Variants in MYOF observed in about 807,000 individuals in gnomAD.
The protein encoded by MYOF is myoferlin.
A neutral mutation model predicts 284.2 loss-of-function variants in MYOF; 244 were observed. The observed-to-expected ratio is 0.86, with a 90% CI of 0.77 to 0.95. The LOEUF is 0.95. MYOF is among the 40% of genes least tolerant of loss of function. MYOF has a pLI of 0.00. For synonymous variants in MYOF, 904 were observed against 919.7 expected (o/e 0.98, Z 0.31); for missense variants, 2,496 against 2,560.6 (o/e 0.97, Z 0.54).
chr10:93,328,716 G>A (rs1212203895), intron 45 of MYOF, 47 bp downstream of exon 45: 1 of 1,569,648 alleles, frequency 6.4e-7, no homozygotes, highest in East Asian at 2.3e-5. Flanking sequence ...AATATATATG[G>A]GTTACTATAC....
chr10:93,339,939 C>A (rs1036654969), intron 39 of MYOF, among the ~76,000 whole-genome samples: 8 of 152,124 alleles, frequency 5.3e-5, no homozygotes, highest in African/African-American at 1.9e-4. Flanking sequence ...ATTAGCCGGG[C>A]GAGGTGGTGG....
At chr10:93,313,845 G>A in intron 50 of MYOF, among the ~76,000 whole-genome samples, 1 of 152,128 alleles carries the variant, frequency 6.6e-6, no homozygotes, top group Non-Finnish European at 1.5e-5. Flanking sequence ...AGGTTGCAGT[G>A]AGCAGAGATC....
At chr10:93,319,755 G>A in intron 49 of MYOF, 117 bp downstream of exon 49, 1 of 1,400,432 alleles carries the variant, frequency 7.1e-7, no homozygotes, top group South Asian at 1.3e-5. Context: ...CATCTCTGCT[G>A]AGAAGGAGCC....
intron 1 of MYOF, among the ~76,000 whole-genome samples, chr10:93,479,454 C>T (rs1420471464): frequency 1.3e-5 from 2 of 152,166 alleles, no homozygotes; most frequent in Admixed American, 6.5e-5. Flanking sequence ...ATTGGGAACA[C>T]ACCTGTAAAG....
rs1353822567 is a variant in MYOF, at chr10:93,402,253, C to G, written c.969G>C (p.Leu323=). 1 of 1,614,046 alleles carries G rather than the reference C, an allele frequency of 6.2e-7. No individual in the cohort carries two copies. ...TCACAGGAGGCTCATCTCCGGTTCCCAGGACAAACATGCTGACTTTCATAT... is the reference window on the plus strand; with the variant it reads ...TCACAGGAGGCTCATCTCCGGTTCCGAGGACAAACATGCTGACTTTCATAT... ...KGYMKVSMFV[L]GTGDEPPPER... Residue 323 remains leucine (L), a synonymous_variant, in exon 11 of 54, where the codon CTG becomes CTC. Transcript: ENST00000359263.
Position 93,472,206 on chromosome 10 carries a change from C to T in MYOF, c.88+9901G>A, listed in dbSNP as rs1167163966. On this transcript the variant is annotated intron_variant, in intron 1 of 53. Transcript: ENST00000359263. The stretch of plus-strand genomic sequence containing the variant: ...GCTGAAAATCCAAGTCAGAGAGTTG[C>T]TAAGAACCTACTATGCCCACACCCA... Among the ~76,000 whole-genome samples the T allele has an allele frequency of 1.9e-4, 29 of 152,144 alleles. 1 individual carries two copies. Among genetic ancestry groups the T allele is most frequent in the Admixed American group, 1.9e-3 (29 of 15,268 alleles).
chr10:93,446,024 T>C (rs1308268499), intron 3 of MYOF, among the ~76,000 whole-genome samples: 5 of 152,066 alleles, frequency 3.3e-5, no homozygotes, highest in Admixed American at 6.5e-5. Context: ...AAAAAAAGTT[T>C]GTTTCTGAAA....
intron 1 of MYOF, among the ~76,000 whole-genome samples, chr10:93,464,011 T>A (rs2056946995): frequency 6.6e-6 from 1 of 151,596 alleles, no homozygotes; most frequent in Non-Finnish European, 1.5e-5. Context: ...TGGTCAAACA[T>A]AAGTCCAGAT....
chr10:93,433,496 C>A (rs187502464), intron 3 of MYOF, among the ~76,000 whole-genome samples: 1 of 152,342 alleles, frequency 6.6e-6, no homozygotes, highest in African/African-American at 2.4e-5. Context: ...TACTTATATC[C>A]TGTCTACATC....
intron 3 of MYOF, among the ~76,000 whole-genome samples, chr10:93,445,621 C>G (rs1173860063): frequency 6.6e-6 from 1 of 152,202 alleles, no homozygotes; most frequent in Non-Finnish European, 1.5e-5. Context: ...CTCCCAGTGC[C>G]TGAGGGGTGG....
chr10:93,463,525 G>A (rs2134355451), intron 1 of MYOF, among the ~76,000 whole-genome samples: 1 of 149,256 alleles, frequency 6.7e-6, no homozygotes, highest in Non-Finnish European at 1.5e-5. Context: ...TCAGCCTGCC[G>A]AGTAGCTGAG....
chr10:93,400,810 C>G (rs1485224314), intron 12 of MYOF, among the ~76,000 whole-genome samples: 1 of 151,064 alleles, frequency 6.6e-6, no homozygotes, highest in African/African-American at 2.4e-5. Context: ...ACAATAGTGG[C>G]AGACTTCTAG....
intron 52 of MYOF, 144 bp from the exon 53 acceptor site, chr10:93,310,311 C>T (rs1386050546): frequency 3.5e-6 from 4 of 1,151,302 alleles, no homozygotes; most frequent in East Asian, 4.9e-5. Context: ...CTGAGAAAGG[C>T]TCTTTAACCT....
At position 93,396,240 on chromosome 10, in the gene MYOF, A is replaced by T. The variant is rs1212328103; in HGVS notation, c.1335-16T>A. ...AAGACGGTCCCTGTGTAAAAAATAA[A>T]AATAAAAAAATAAAAAATAAAAGGT... On this transcript the variant is annotated splice_polypyrimidine_tract_variant and intron_variant, in intron 15 of 53. Coordinates refer to ENST00000359263, the MANE Select transcript of MYOF (RefSeq NM_013451.4). 4.0e-6 allele frequency: 6 copies of T among 1,508,576 alleles called. No homozygotes were observed. The highest frequency in any genetic ancestry group is 4.5e-6 in the Non-Finnish European group (5 of 1,109,762). 93.4% of individuals were successfully genotyped at this position (1,508,576 alleles called of 1,614,324 possible).
intron 4 of MYOF, among the ~76,000 whole-genome samples, chr10:93,429,938 A>ATTT (rs1411509583): frequency 4.1e-5 from 6 of 144,914 alleles, no homozygotes; most frequent in Non-Finnish European, 9.3e-5. Flanking sequence ...TTATTTTTTT[A>ATTT]ATTTTTTTTT....
At chr10:93,469,967 G>A (rs183887974) in intron 1 of MYOF, among the ~76,000 whole-genome samples, 51 of 152,186 alleles carry the variant, frequency 3.4e-4, no homozygotes, top group African/African-American at 1.2e-3. Flanking sequence ...AGTGGCTCAC[G>A]CTTGTAATCC....
rs554725084 is a variant in MYOF, at chr10:93,456,832, T to C, written c.144+50A>G. On this transcript the variant is annotated intron_variant, in intron 2 of 53. Transcript: ENST00000359263. Reference sequence around the variant, plus strand: ...AACCTCTCACCCAAAGATAGGACAATCAGAAATAGCTTATCTATTAAAACA... The same window carrying C: ...AACCTCTCACCCAAAGATAGGACAACCAGAAATAGCTTATCTATTAAAACA... The C allele has an allele frequency of 1.6e-4, 219 of 1,379,504 alleles. 3 individuals carry two copies. The South Asian group carries it at 2.3e-3, about 14-fold the overall frequency. The allele number at this position is 1,379,504 out of a possible 1,614,324, so 85.5% of individuals were successfully genotyped here.
At chr10:93,315,192 G>A (rs138482689) in intron 50 of MYOF, among the ~76,000 whole-genome samples, 138 of 152,252 alleles carry the variant, frequency 9.1e-4, no homozygotes, top group African/African-American at 2.4e-3. Context: ...GGTACTGTGC[G>A]GGGAAAAGGG....
At chr10:93,389,486 T>C (rs73319668) in intron 17 of MYOF, among the ~76,000 whole-genome samples, 4,434 of 152,314 alleles carry the variant, frequency 0.029, 222 homozygotes, top group African/African-American at 0.1. Flanking sequence ...CCATTGCCAA[T>C]TGGGGCAAAA....
Sources: gnomAD v4.1 joint callset for allele counts (sites outside exome capture counted in the v4.1 genomes callset) on GRCh38, gnomAD v4.1.1 for gene constraint, MANE v1.5 for transcripts, NCBI Gene and HGNC (gene_info 2026-07-23, HGNC 2026-07-21) for gene names.